HNF1B: variants seen among roughly 807,000 people sequenced by gnomAD.
The protein encoded by HNF1B is HNF1 homeobox B.
HNF1B carries 8 observed loss-of-function variants against 61.7 expected under a neutral mutation model. The observed-to-expected ratio is 0.13, with a 90% CI of 0.08 to 0.23. The LOEUF is 0.23. HNF1B is among the 10% of genes least tolerant of loss of function. The pLI is 1.00. For synonymous variants in HNF1B, 314 were observed against 287.7 expected (o/e 1.09, Z -0.93); for missense variants, 562 against 714.5 (o/e 0.79, Z 2.43).
chr17:37,714,498 C>A (rs2033040573), intron 4 of HNF1B, among the ~76,000 whole-genome samples: 1 of 152,310 alleles, frequency 6.6e-6, no homozygotes, highest in African/African-American at 2.4e-5. Context: ...GGTAGCCATT[C>A]ACCTTCTACT....
At chr17:37,700,961 C>A in intron 7 of HNF1B, 22 bp downstream of exon 7, 1 of 1,550,626 alleles carries the variant, frequency 6.4e-7, no homozygotes, top group Non-Finnish European at 8.7e-7. Flanking sequence ...TGCTCCCTCC[C>A]TCCACATGCC....
chr17:37,716,841 A>AATCTCT (rs1555825201), intron 4 of HNF1B, among the ~76,000 whole-genome samples: 135 of 76,856 alleles, frequency 1.8e-3, no homozygotes, highest in African/African-American at 2.5e-3. Flanking sequence ...ACACTTTAAC[A>AATCTCT]ATCTCTCTCT....
rs550362662 is a variant in HNF1B, at chr17:37,744,773, T to C, written c.112A>G (p.Asn38Asp). ...AGCGTCTCCAGCTTCACCCCGAAGT[T>C]CGGGGATGGCAGCAACTCCTCCAAG... is the stretch of plus-strand genomic sequence containing the variant. ...QALEELLPSP[N>D]FGVKLETLPL... Residue 38 changes from asparagine to aspartate, a missense_variant, in exon 1 of 9, where the codon AAC becomes GAC. By Grantham distance (23) the Asn-to-Asp change is conservative. Coordinates refer to ENST00000617811, the MANE Select transcript of HNF1B (RefSeq NM_000458.4). The C allele has an allele frequency of 6.2e-7, 1 of 1,613,572 alleles. No individual in the cohort carries two copies. The highest frequency in any genetic ancestry group is 1.3e-5 in the African/African-American group (1 of 75,052).
chr17:37,721,328 G>A (rs1000571783), intron 4 of HNF1B, among the ~76,000 whole-genome samples: 2 of 152,188 alleles, frequency 1.3e-5, no homozygotes, highest in Non-Finnish European at 2.9e-5. Context: ...GCGAGGGAGT[G>A]AGGGAGAGAA....
chr17:37,742,594 G>C (rs1249178617), intron 1 of HNF1B, among the ~76,000 whole-genome samples: 2 of 152,046 alleles, frequency 1.3e-5, no homozygotes, highest in Non-Finnish European at 2.9e-5. Flanking sequence ...CGCTCGGGAC[G>C]GGAGAAAAAA....
intron 5 of HNF1B, among the ~76,000 whole-genome samples, chr17:37,705,796 C>T (rs1206167015): frequency 6.6e-6 from 1 of 152,078 alleles, no homozygotes; most frequent in East Asian, 1.9e-4. Context: ...CAGTATTAAA[C>T]AATAACAGCT....
chr17:37,714,618 T>C (rs1327685503), intron 4 of HNF1B, among the ~76,000 whole-genome samples: 2 of 152,234 alleles, frequency 1.3e-5, no homozygotes, highest in Admixed American at 1.3e-4. Flanking sequence ...GAGACATCCC[T>C]GAGGCCCTGG....
Position 37,687,180 on chromosome 17 carries a change from GA to G in HNF1B, c.*191del. ...CATTGTGGCAATACTGCATAGAAGG[GA>G]AACTGGGCTTCGGGCTGCGCCTCCT... On this transcript the variant is annotated 3_prime_UTR_variant, in exon 9 of 9. Coordinates refer to ENST00000617811, the MANE Select transcript of HNF1B (RefSeq NM_000458.4). 1 of 831,194 alleles carries G rather than the reference GA, an allele frequency of 1.2e-6. No individual in the cohort carries two copies. Among genetic ancestry groups the G allele is most frequent in the East Asian group, 2.6e-5 (1 of 37,828 alleles). The allele number at this position is 831,194 out of a possible 1,614,324, so 51.5% of individuals were successfully genotyped here.
chr17:37,705,738 T>G (rs1598810505), intron 5 of HNF1B, among the ~76,000 whole-genome samples: 1 of 152,172 alleles, frequency 6.6e-6, no homozygotes, highest in Non-Finnish European at 1.5e-5. Flanking sequence ...GTCTTTTCCT[T>G]GCTAGTACTG....
chr17:37,705,341 GT>G (rs1166016491), intron 5 of HNF1B, among the ~76,000 whole-genome samples: 4 of 152,182 alleles, frequency 2.6e-5, no homozygotes, highest in Non-Finnish European at 5.9e-5. Context: ...AGTGTCTACT[GT>G]GGGACAGACA....
chr17:37,711,593 G>A (rs2032937296), intron 4 of HNF1B, among the ~76,000 whole-genome samples: 1 of 152,230 alleles, frequency 6.6e-6, no homozygotes, highest in Admixed American at 6.5e-5. Flanking sequence ...GTTTGCAGAT[G>A]GAAATCCTGC....
intron 3 of HNF1B, among the ~76,000 whole-genome samples, chr17:37,733,337 AAT>A (rs1331368681): frequency 2.0e-5 from 3 of 152,212 alleles, no homozygotes; most frequent in Middle Eastern, 3.2e-3. Flanking sequence ...CGGAACCTTT[AAT>A]ATATGTTGTG....
At chr17:37,698,586 C>CAA (rs1431661085) in intron 8 of HNF1B, among the ~76,000 whole-genome samples, 4 of 152,180 alleles carry the variant, frequency 2.6e-5, no homozygotes, top group African/African-American at 9.7e-5. Context: ...ACAACTGGGT[C>CAA]ATTCCCAGAG....
At chr17:37,714,929 G>A (rs891924683) in intron 4 of HNF1B, among the ~76,000 whole-genome samples, 1 of 152,042 alleles carries the variant, frequency 6.6e-6, no homozygotes, top group African/African-American at 2.4e-5. Context: ...TTCCAGAAAA[G>A]CCCCAACACC....
intron 4 of HNF1B, among the ~76,000 whole-genome samples, chr17:37,727,330 G>A (rs2033532687): frequency 6.6e-6 from 1 of 152,156 alleles, no homozygotes; most frequent in African/African-American, 2.4e-5. Flanking sequence ...AATAGGGGGT[G>A]GGGGCGGATA....
chr17:37,703,780 T>A (rs144644441), intron 6 of HNF1B, among the ~76,000 whole-genome samples: 28 of 152,286 alleles, frequency 1.8e-4, no homozygotes, highest in Admixed American at 3.9e-4. Flanking sequence ...GAGCCACACA[T>A]ATTCAATAAA....
intron 4 of HNF1B, among the ~76,000 whole-genome samples, chr17:37,726,356 G>T (rs1275071782): frequency 6.6e-6 from 1 of 152,198 alleles, no homozygotes; most frequent in Non-Finnish European, 1.5e-5. Flanking sequence ...CACTAGAGAT[G>T]GCTCCTACTC....
chr17:37,737,927 C>T (rs1239166936), intron 2 of HNF1B, among the ~76,000 whole-genome samples: 3 of 152,228 alleles, frequency 2.0e-5, no homozygotes, highest in African/African-American at 7.2e-5. Context: ...ACGTCCCTTC[C>T]TCAGCATCTT....
At position 37,733,612 on chromosome 17, in the gene HNF1B, G is replaced by T. The variant is rs748416956; in HGVS notation, c.754C>A (p.Arg252=). The T allele has an allele frequency of 5.6e-6, 9 of 1,614,118 alleles. No individual in the cohort carries two copies. In the East Asian group the frequency reaches 2.0e-4, roughly 36 times the overall value. ...TCTTCCTTGCTGGGGTTCTTTTGCC[G>T]ATCGTAGGCCTGGTACAAGATTTGC... The part of the protein sequence containing the change: ...SQQILYQAYD[R]QKNPSKEERE... The change falls in exon 3 of 9, where the codon CGG becomes AGG. Residue 252 remains arginine, a synonymous_variant. Transcript: ENST00000617811.
Sources: gnomAD v4.1 joint callset for allele counts (sites outside exome capture counted in the v4.1 genomes callset) on GRCh38, gnomAD v4.1.1 for gene constraint, MANE v1.5 for transcripts, NCBI Gene and HGNC (gene_info 2026-07-23, HGNC 2026-07-21) for gene names.